Variants in NRXN3 observed in about 807,000 individuals in gnomAD.
The protein encoded by NRXN3 is neurexin 3.
Under a neutral mutation model 137.6 loss-of-function variants are expected in NRXN3, and 32 were observed. The ratio of observed to expected loss-of-function variants is 0.23; its 90% CI spans 0.18 to 0.31. The LOEUF is 0.31. Ranked by LOEUF, NRXN3 falls within the 10% of genes least tolerant of loss-of-function variation. The pLI is 1.00. For missense variants in NRXN3, 1,574 were observed against 2,062.5 expected (o/e 0.76, Z 4.59); for synonymous variants, 798 against 784.5 (o/e 1.02, Z -0.29).
chr14:78,593,692 G>C (rs544847375), intron 4 of NRXN3, among the ~76,000 whole-genome samples: 1 of 152,132 alleles, frequency 6.6e-6, no homozygotes, highest in African/African-American at 2.4e-5. Context: ...AGAGCCAGAG[G>C]TCGAGGAGGG....
chr14:78,608,748 C>T (rs1333299723), intron 4 of NRXN3, among the ~76,000 whole-genome samples: 1 of 152,172 alleles, frequency 6.6e-6, no homozygotes, highest in East Asian at 1.9e-4. Context: ...GGTCGCTCCC[C>T]TCTGAGAAGA....
intron 15 of NRXN3, among the ~76,000 whole-genome samples, chr14:79,453,882 G>C (rs1268829784): frequency 6.6e-6 from 1 of 152,010 alleles, no homozygotes; most frequent in Non-Finnish European, 1.5e-5. Flanking sequence ...CATGCTCACT[G>C]ATCCAATTCC....
intron 15 of NRXN3, among the ~76,000 whole-genome samples, chr14:79,386,005 T>C (rs912559245): frequency 3.9e-5 from 6 of 152,152 alleles, no homozygotes; most frequent in Non-Finnish European, 7.3e-5. Context: ...TCATACTGAA[T>C]GGGCAAAAAC....
Position 78,943,619 on chromosome 14 carries a change from AAAAT to A in NRXN3, c.2276-13621_2276-13618del, listed in dbSNP as rs1276401717. ...GAAGCAAGATCACTGTTAAAAAAAAAAAATATATATATATATATATATATATATA... is the reference window on the plus strand; with the variant it reads ...GAAGCAAGATCACTGTTAAAAAAAAAATATATATATATATATATATATATA... On this transcript the variant is annotated intron_variant, in intron 10 of 20. Coordinates refer to ENST00000335750, the MANE Select transcript of NRXN3 (RefSeq NM_001330195.2). 4.7e-4 allele frequency among the ~76,000 whole-genome samples: 20 copies of A among 42,798 alleles called. 1 individual carries two copies. Among genetic ancestry groups the A allele is most frequent in the South Asian group, 1.2e-3 (1 of 832 alleles). 28.1% of individuals were successfully genotyped at this position (42,798 alleles called of 152,430 possible).
Position 78,828,489 on chromosome 14 carries a change from T to C in NRXN3, c.2275+18145T>C, listed in dbSNP as rs926632794. Among the ~76,000 whole-genome samples, 12 of 152,218 alleles carry C rather than the reference T, an allele frequency of 7.9e-5. 1 individual carries two copies. The highest frequency in any genetic ancestry group is 5.2e-4 in the Admixed American group (8 of 15,270). On this transcript the variant is annotated intron_variant, in intron 10 of 20. Transcript: ENST00000335750. ...ATATAGCCCTGTCACAACTACTCCA[T>C]TGTGCTCTTGTAGCACAAAACAGCC...
At chr14:78,583,953 C>T (rs927014626) in intron 4 of NRXN3, among the ~76,000 whole-genome samples, 6 of 152,144 alleles carry the variant, frequency 3.9e-5, no homozygotes, top group African/African-American at 1.2e-4. Flanking sequence ...TGCCAGCCAC[C>T]GTTCTAAGAA....
intron 16 of NRXN3, among the ~76,000 whole-genome samples, chr14:79,499,956 C>CTTGTGTGTGT (rs60538373): frequency 1.1e-3 from 155 of 145,234 alleles, no homozygotes; most frequent in African/African-American, 3.8e-3. Flanking sequence ...ATCTTAGGGT[C>CTTGTGTGTGT]GTGTGTGTGT....
intron 8 of NRXN3, among the ~76,000 whole-genome samples, chr14:78,786,972 A>G (rs752198792): frequency 3.5e-4 from 53 of 152,314 alleles, no homozygotes; most frequent in Non-Finnish European, 6.2e-4. Context: ...CTAAATTTCT[A>G]TGCAATTCAG....
intron 16 of NRXN3, among the ~76,000 whole-genome samples, chr14:79,471,917 T>C (rs2096514396): frequency 1.3e-5 from 2 of 152,256 alleles, no homozygotes; most frequent in South Asian, 2.1e-4. Flanking sequence ...TGGGGGTTTG[T>C]TGTACAGATT....
At chr14:79,780,125 T>TCC in intron 19 of NRXN3, among the ~76,000 whole-genome samples, 1 of 151,874 alleles carries the variant, frequency 6.6e-6, no homozygotes, top group East Asian at 1.9e-4. Flanking sequence ...CAAAAATATA[T>TCC]CCCTAAGGTT....
At chr14:78,285,706 AT>A (rs1259639651) in intron 3 of NRXN3, among the ~76,000 whole-genome samples, 4 of 152,236 alleles carry the variant, frequency 2.6e-5, no homozygotes, top group Non-Finnish European at 5.9e-5. Flanking sequence ...TCTTTGTTTT[AT>A]CCCACATCCT....
chr14:78,878,679 C>T (rs931031962), intron 10 of NRXN3, among the ~76,000 whole-genome samples: 2 of 152,120 alleles, frequency 1.3e-5, no homozygotes, highest in Non-Finnish European at 2.9e-5. Context: ...TATGTATTAC[C>T]TCAAATACTG....
intron 4 of NRXN3, among the ~76,000 whole-genome samples, chr14:78,454,981 C>T (rs1294917965): frequency 6.6e-6 from 1 of 152,190 alleles, no homozygotes. Context: ...CATGAACTCT[C>T]AAGGCTGATT....
chr14:78,999,518 G>A (rs1391966084), intron 15 of NRXN3, among the ~76,000 whole-genome samples: 1 of 152,074 alleles, frequency 6.6e-6, no homozygotes, highest in African/African-American at 2.4e-5. Flanking sequence ...AACACTAACA[G>A]TTTTACTAGG....
At chr14:78,734,435 C>A (rs1235119575) in intron 8 of NRXN3, among the ~76,000 whole-genome samples, 3 of 152,232 alleles carry the variant, frequency 2.0e-5, no homozygotes, top group African/African-American at 7.2e-5. Flanking sequence ...GATATTTACT[C>A]AAATATTAGT....
intron 8 of NRXN3, among the ~76,000 whole-genome samples, chr14:78,732,623 T>C (rs536550651): frequency 1.1e-4 from 17 of 152,328 alleles, no homozygotes; most frequent in African/African-American, 4.1e-4. Context: ...GGAGTTTTAT[T>C]TCTTGCTTCA....
intron 15 of NRXN3, among the ~76,000 whole-genome samples, chr14:79,020,766 A>G (rs1355520667): frequency 6.6e-6 from 1 of 151,702 alleles, no homozygotes; most frequent in African/African-American, 2.4e-5. Flanking sequence ...ACAAATAACA[A>G]CCCCTAACCA....
At chr14:78,462,000 T>A (rs1745047203) in intron 4 of NRXN3, among the ~76,000 whole-genome samples, 1 of 152,228 alleles carries the variant, frequency 6.6e-6, no homozygotes, top group South Asian at 2.1e-4. Flanking sequence ...TGAACTGCTG[T>A]GTGATCTTTA....
intron 8 of NRXN3, among the ~76,000 whole-genome samples, chr14:78,790,126 T>C (rs933110056): frequency 2.6e-5 from 4 of 152,136 alleles, no homozygotes; most frequent in Non-Finnish European, 5.9e-5. Flanking sequence ...ATTTTAAAAT[T>C]CAGTGGTAAA....
Sources: allele counts gnomAD v4.1 joint callset (sites outside exome capture counted in the v4.1 genomes callset), GRCh38; gene constraint gnomAD v4.1.1; transcripts MANE v1.5; gene names NCBI Gene and HGNC (gene_info 2026-07-23, HGNC 2026-07-21).